The following ATG7 variants were observed in gnomAD, a reference collection of about 807,000 sequenced individuals.
The protein encoded by ATG7 is ubiquitin-like modifier-activating enzyme ATG7.
In ATG7, 70 loss-of-function variants were observed where a neutral mutation model predicts 82.4. The ratio of observed to expected loss-of-function variants is 0.85; its 90% CI spans 0.70 to 1.04. The LOEUF is 1.04. ATG7 is among the 50% of genes least tolerant of loss of function. The probability of loss-of-function intolerance (pLI) is 0.00; values close to 1 mark genes in which losing one functional copy is unlikely to be tolerated. For synonymous variants in ATG7, 287 were observed against 313.0 expected (o/e 0.92, Z 0.88); for missense variants, 792 against 864.3 (o/e 0.92, Z 1.05).
intron 15 of ATG7, among the ~76,000 whole-genome samples, chr3:11,359,835 T>C (rs1315240151): frequency 1.3e-5 from 2 of 152,218 alleles, no homozygotes; most frequent in Non-Finnish European, 2.9e-5. Context: ...ATGTGAGTTA[T>C]ATCTCAATAA....
chr3:11,317,595 T>G (rs912807749), intron 9 of ATG7, among the ~76,000 whole-genome samples: 1 of 148,950 alleles, frequency 6.7e-6, no homozygotes, highest in Admixed American at 6.7e-5. Flanking sequence ...TTTTTTTTTT[T>G]TTTTTTTTTG....
rs368836880 is a variant in ATG7, at chr3:11,533,478, A to G, written c.2080-21333A>G. Among the ~76,000 whole-genome samples, 20 of 151,418 alleles carry G rather than the reference A, an allele frequency of 1.3e-4. No individual in the cohort carries two copies. In the South Asian group the frequency reaches 4.0e-3, roughly 30 times the overall value. On this transcript the variant is annotated intron_variant, in intron 20 of 20. Transcript: ENST00000693202. ...TTCTTCTGTTCATGTTGTTCACAAC[A>G]TGAACTTTGATTTGTCTTCTCCAGG...
chr3:11,342,135 G>C lies in ATG7; in HGVS notation c.981G>C (p.Arg327Ser), dbSNP rs1200662998. The change falls in exon 13 of 21, where the codon AGG (arginine) becomes AGC (serine). Residue 327 changes from arginine to serine, a missense_variant and splice_region_variant. Arg to Ser is a moderately radical substitution (Grantham distance 110). Transcript: ENST00000693202. Reference sequence around the variant, plus strand: ...AATAAGTAAATCTCTCCTTTTCTAGGTTAGCTGAGTCATCAGTGGATCTAA... The same window carrying C: ...AATAAGTAAATCTCTCCTTTTCTAGCTTAGCTGAGTCATCAGTGGATCTAA... ...VNLSECMDPK[R>S]LAESSVDLNL... is the part of the protein sequence containing the mutation. 6.2e-7 allele frequency: 1 copy of C among 1,610,646 alleles called. No homozygotes were observed.
intron 20 of ATG7, among the ~76,000 whole-genome samples, chr3:11,453,608 G>A (rs2085414368): frequency 6.6e-6 from 1 of 152,172 alleles, no homozygotes; most frequent in Non-Finnish European, 1.5e-5. Context: ...TCTATGTGGG[G>A]CGACATCATT....
intron 20 of ATG7, among the ~76,000 whole-genome samples, chr3:11,457,303 G>A (rs1047098845): frequency 1.3e-5 from 2 of 152,120 alleles, no homozygotes; most frequent in African/African-American, 4.8e-5. Context: ...AATCACTGGG[G>A]AGGAGAAGCA....
rs10706461 is a variant in ATG7 at position 11,459,498 on chromosome 3, G to GTT, written c.2079+32584_2079+32585dup. ...ATGAGAATAAAAACAGGAGCCAAGT[G>GTT]TTTTTTTTTTTTTAAGTGATTATGT... is the stretch of plus-strand genomic sequence containing the variant. On this transcript the variant is annotated intron_variant, in intron 20 of 20. Coordinates refer to ENST00000693202, the MANE Select transcript of ATG7 (RefSeq NM_001349232.2). Among the ~76,000 whole-genome samples, 420 of 147,764 alleles carry GTT rather than the reference G, an allele frequency of 2.8e-3. 1 individual carries two copies. Among genetic ancestry groups the GTT allele is most frequent in the African/African-American group, 1.0e-2 (402 of 40,358 alleles).
chr3:11,573,259 GAAAGAAAGAAAGAA>G, the ATG7 span, among the ~76,000 whole-genome samples: 10 of 10,760 alleles, frequency 9.3e-4, 1 homozygote, highest in African/African-American at 0.01. Context: ...AAGAAAGAAA[GAAAGAAAGAAAGAA>G]AGAAAGAAAG....
intron 1 of ATG7, among the ~76,000 whole-genome samples, chr3:11,274,882 G>A (rs775572791): frequency 2.0e-5 from 3 of 152,018 alleles, no homozygotes; most frequent in Non-Finnish European, 4.4e-5. Context: ...ATGTGGGGGC[G>A]GGGGTGGAGA....
At chr3:11,496,679 C>T (rs1458042636) in intron 20 of ATG7, among the ~76,000 whole-genome samples, 1 of 152,144 alleles carries the variant, frequency 6.6e-6, no homozygotes, top group Admixed American at 6.5e-5. Flanking sequence ...AATACTGTCT[C>T]ATTTGATCTT....
Position 11,380,004 on chromosome 3 carries a change from C to T in ATG7, c.1908C>T (p.Val636=). The T allele has an allele frequency of 6.2e-7, 1 of 1,614,108 alleles. No homozygotes were observed. Among genetic ancestry groups the T allele is most frequent in the Non-Finnish European group, 8.5e-7 (1 of 1,180,004 alleles). Residue 636 remains valine (V), a synonymous_variant, in exon 19 of 21, where the codon GTC becomes GTT. Coordinates refer to ENST00000693202, the MANE Select transcript of ATG7 (RefSeq NM_001349232.2). ...IRGFLSRFDN[V]LPVSLAFDKC... ...GATTTCTTTCACGGTTTGATAATGT[C>T]CTTCCCGTCAGCCTGGCATTTGACA...
At chr3:11,326,542 C>A (rs1950907995) in intron 9 of ATG7, among the ~76,000 whole-genome samples, 1 of 152,196 alleles carries the variant, frequency 6.6e-6, no homozygotes, top group Admixed American at 6.5e-5. Context: ...TTGTGATCCA[C>A]CCGCCTCTGC....
intron 3 of ATG7, among the ~76,000 whole-genome samples, chr3:11,294,114 G>A (rs1482984407): frequency 2.0e-5 from 3 of 151,990 alleles, no homozygotes; most frequent in South Asian, 4.1e-4. Flanking sequence ...AGAAGAAAAC[G>A]CTAGCTGCAT....
At chr3:11,492,453 C>T (rs1051278954) in intron 20 of ATG7, among the ~76,000 whole-genome samples, 4 of 152,192 alleles carry the variant, frequency 2.6e-5, no homozygotes, top group Non-Finnish European at 5.9e-5. Context: ...AGCTGTAGAC[C>T]AGAGCTGTTC....
At chr3:11,425,860 A>T (rs573761029) in intron 19 of ATG7, among the ~76,000 whole-genome samples, 1 of 152,062 alleles carries the variant, frequency 6.6e-6, no homozygotes, top group Non-Finnish European at 1.5e-5. Context: ...CCACAGATTC[A>T]TGTTGCCTAT....
At chr3:11,486,069 T>A (rs2089606258) in intron 20 of ATG7, among the ~76,000 whole-genome samples, 2 of 152,230 alleles carry the variant, frequency 1.3e-5, no homozygotes, top group African/African-American at 4.8e-5. Flanking sequence ...TTTTTTCCAA[T>A]TCTGTGAAGA....
At chr3:11,546,162 ATTTTTTTTTTTTTTTT>A (rs36042370) in intron 20 of ATG7, among the ~76,000 whole-genome samples, 4 of 68,858 alleles carry the variant, frequency 5.8e-5, no homozygotes, top group Admixed American at 4.8e-4. Flanking sequence ...CCAAAACTGG[ATTTTTTTTTTTTTTTT>A]TTTTTTTTTT....
the ATG7 span, among the ~76,000 whole-genome samples, chr3:11,565,926 A>C: frequency 6.6e-6 from 1 of 152,174 alleles, no homozygotes; most frequent in South Asian, 2.1e-4. This position sits in a 1 kb window ranked among gnomAD's most constrained non-coding sequence, Gnocchi z 4.1. Context: ...TTGCCCCTTC[A>C]ATCCACCATA....
chr3:11,469,393 G>C (rs1274946645), intron 20 of ATG7, among the ~76,000 whole-genome samples: 1 of 151,862 alleles, frequency 6.6e-6, no homozygotes, highest in Non-Finnish European at 1.5e-5. Flanking sequence ...AGGTTGCGGT[G>C]AGCTGAGATC....
intron 20 of ATG7, among the ~76,000 whole-genome samples, chr3:11,504,605 A>T (rs2091576155): frequency 6.6e-6 from 1 of 152,244 alleles, no homozygotes; most frequent in African/African-American, 2.4e-5. Context: ...TTGTGTTAAG[A>T]TGAAATGGCT....
Sources: gnomAD v4.1 joint callset for allele counts (sites outside exome capture counted in the v4.1 genomes callset) on GRCh38, gnomAD v4.1.1 for gene constraint, Gnocchi (gnomAD v3.1) non-coding constraint, MANE v1.5 for transcripts, NCBI Gene and HGNC (gene_info 2026-07-23, HGNC 2026-07-21) for gene names.